Variants in CADM1 observed in about 807,000 individuals in gnomAD.
The protein encoded by CADM1 is TSLC-1.
Under a neutral mutation model 53.1 loss-of-function variants are expected in CADM1, and 15 were observed. That is an observed-to-expected ratio of 0.28 (90% CI 0.19 to 0.44). CADM1 has a LOEUF of 0.44. Among genes scored for constraint, CADM1 ranks in the 20% least tolerant of loss-of-function variants. The pLI, the probability that CADM1 is intolerant of heterozygous loss-of-function variation, is 1.00. For missense variants in CADM1, 434 were observed against 611.3 expected (o/e 0.71, Z 3.06); for synonymous variants, 281 against 243.0 (o/e 1.16, Z -1.45).
chr11:115,457,295 G>A (rs534962842), intron 1 of CADM1, among the ~76,000 whole-genome samples: 4 of 152,242 alleles, frequency 2.6e-5, no homozygotes, highest in South Asian at 4.1e-4. Flanking sequence ...AGAGGTGCTC[G>A]ATAAGTCGAA....
intron 1 of CADM1, among the ~76,000 whole-genome samples, chr11:115,496,150 CATA>C (rs1949606299): frequency 1.3e-5 from 2 of 152,202 alleles, no homozygotes; most frequent in South Asian, 2.1e-4. Flanking sequence ...AAATCATGGC[CATA>C]ATATCAACAC....
intron 11 of CADM1, among the ~76,000 whole-genome samples, chr11:115,177,099 G>A (rs1275864923): frequency 6.6e-6 from 1 of 152,170 alleles, no homozygotes; most frequent in Non-Finnish European, 1.5e-5. Context: ...CTACCCATAG[G>A]TGAGAAGGTG....
At position 115,308,196 on chromosome 11, in the gene CADM1, A is replaced by G. The variant is rs1273868839; in HGVS notation, c.125-67776T>C. ...GTGTGTATATCACTCATAGGTGTGT[A>G]TATATATATATATATACACACCTAT... On this transcript the variant is annotated intron_variant, in intron 1 of 11. Transcript: ENST00000331581. Among the ~76,000 whole-genome samples the G allele has an allele frequency of 3.6e-4, 32 of 88,344 alleles. No individual in the cohort carries two copies. In the East Asian group the frequency reaches 4.1e-3, roughly 11 times the overall value. 58.0% of individuals were successfully genotyped at this position (88,344 alleles called of 152,430 possible). A position where few individuals can be genotyped will look rare whatever the true frequency, so the allele number is the denominator to read the frequency against.
At chr11:115,206,862 A>C (rs1020056221) in intron 8 of CADM1, among the ~76,000 whole-genome samples, 1 of 135,898 alleles carries the variant, frequency 7.4e-6, no homozygotes, top group African/African-American at 2.7e-5. Context: ...GCTGTAATGT[A>C]CCAAACAGTG....
chr11:115,484,238 T>C (rs1949320162), intron 1 of CADM1, among the ~76,000 whole-genome samples: 1 of 152,224 alleles, frequency 6.6e-6, no homozygotes, highest in South Asian at 2.1e-4. Context: ...GCACAGTCTT[T>C]CTGGATGTCG....
At chr11:115,466,644 A>G (rs1475899948) in intron 1 of CADM1, among the ~76,000 whole-genome samples, 6 of 152,194 alleles carry the variant, frequency 3.9e-5, no homozygotes, top group African/African-American at 1.4e-4. Flanking sequence ...GTGTGAGATC[A>G]AATTTGGACG....
chr11:115,293,464 T>C (rs1385606152), intron 1 of CADM1, among the ~76,000 whole-genome samples: 1 of 152,140 alleles, frequency 6.6e-6, no homozygotes, highest in Non-Finnish European at 1.5e-5. Flanking sequence ...AGTATAACTA[T>C]TCTGCCCTCC....
intron 1 of CADM1, among the ~76,000 whole-genome samples, chr11:115,277,268 G>A (rs1418743894): frequency 6.6e-6 from 1 of 152,164 alleles, no homozygotes; most frequent in African/African-American, 2.4e-5. Context: ...TTGTTACGGA[G>A]ACTCGATGAA....
At chr11:115,242,388 A>T (rs1369108620) in intron 1 of CADM1, among the ~76,000 whole-genome samples, 2 of 151,910 alleles carry the variant, frequency 1.3e-5, no homozygotes, top group African/African-American at 4.8e-5. Context: ...TTAGTGCATT[A>T]CTGTGACAAA....
intron 9 of CADM1, among the ~76,000 whole-genome samples, chr11:115,194,773 C>A (rs1940068725): frequency 6.6e-6 from 1 of 152,194 alleles, no homozygotes; most frequent in Admixed American, 6.5e-5. Context: ...AGACCATGGG[C>A]ATGCTGTCAC....
chr11:115,257,000 C>T (rs1422145699), intron 1 of CADM1: 5 of 415,070 alleles, frequency 1.2e-5, no homozygotes, highest in South Asian at 5.1e-5. Context: ...GTGTGAATTA[C>T]GTACTTCCTG....
intron 1 of CADM1, among the ~76,000 whole-genome samples, chr11:115,483,376 T>G: frequency 6.6e-6 from 1 of 152,204 alleles, no homozygotes; most frequent in East Asian, 1.9e-4. Context: ...CAATGTGAAT[T>G]GGCATACGGC....
chr11:115,175,266 GGAAT>G lies in CADM1; in HGVS notation c.*1204_*1207del. ...CTGCCTTTGTCAAGCCAAATCTGAA[GGAAT>G]GAAAGTTTCACACAGATTCGAGTTG... On this transcript the variant is annotated 3_prime_UTR_variant, in exon 12 of 12. Coordinates refer to ENST00000331581, the MANE Select transcript of CADM1 (RefSeq NM_001301043.2). The G allele has an allele frequency of 2.0e-6, 2 of 985,352 alleles. No individual in the cohort carries two copies. Among genetic ancestry groups the G allele is most frequent in the Non-Finnish European group, 2.4e-6 (2 of 829,882 alleles). The allele number at this position is 985,352 out of a possible 1,614,324, so 61.0% of individuals were successfully genotyped here. A position where few individuals can be genotyped will look rare whatever the true frequency, so the allele number is the denominator to read the frequency against.
At chr11:115,225,314 G>C (rs1468380239) in intron 5 of CADM1, among the ~76,000 whole-genome samples, 1 of 65,396 alleles carries the variant, frequency 1.5e-5, no homozygotes, top group Non-Finnish European at 5.4e-5. Flanking sequence ...TAATAAAAAA[G>C]GGGGGGGGAC....
intron 1 of CADM1, among the ~76,000 whole-genome samples, chr11:115,470,697 A>AT (rs777255058): frequency 6.6e-6 from 1 of 152,130 alleles, no homozygotes; most frequent in Non-Finnish European, 1.5e-5. Flanking sequence ...TTGTGGAATG[A>AT]TTTTTTTCTT....
chr11:115,214,646 A>G lies in CADM1; in HGVS notation c.956T>C (p.Val319Ala). 6.2e-7 allele frequency: 1 copy of G among 1,613,950 alleles called. No homozygotes were observed. Among genetic ancestry groups the G allele is most frequent in the Non-Finnish European group, 8.5e-7 (1 of 1,179,936 alleles). The change falls in exon 7 of 12, where the codon GTG (valine) becomes GCG (alanine). Residue 319 changes from valine (V) to alanine (A), a missense_variant. By Grantham distance (64) the Val-to-Ala change is moderately conservative. This residue lies in a region of CADM1 where 311 missense variants were observed against 435.1 expected (regional missense o/e 0.71). Coordinates refer to ENST00000331581, the MANE Select transcript of CADM1 (RefSeq NM_001301043.2). The stretch of plus-strand genomic sequence containing the variant: ...CATATAATCCGAGTGAGCTTTCCCC[A>G]CTATGTTTGAAGCTTCACAGCGGTA... ...GTYRCEASNIVGKAHSDYMLY... is the reference protein window; with the variant it reads ...GTYRCEASNIAGKAHSDYMLY...
At chr11:115,473,050 G>C (rs1949049802) in intron 1 of CADM1, among the ~76,000 whole-genome samples, 1 of 152,194 alleles carries the variant, frequency 6.6e-6, no homozygotes, top group African/African-American at 2.4e-5. Context: ...AAGTTTCATA[G>C]TCAGAAAACT....
chr11:115,239,627 G>C (rs561120096), intron 2 of CADM1, among the ~76,000 whole-genome samples: 38 of 152,128 alleles, frequency 2.5e-4, no homozygotes, highest in African/African-American at 8.9e-4. Context: ...ATGACCCTGA[G>C]GTATTGGGGA....
intron 1 of CADM1, among the ~76,000 whole-genome samples, chr11:115,295,509 TATATATATATATA>T (rs1944030868): frequency 4.3e-4 from 12 of 27,932 alleles, no homozygotes; most frequent in South Asian, 1.5e-3. Flanking sequence ...AGATATTTTA[TATATATATATATA>T]TATATATATA....
Sources: allele counts gnomAD v4.1 joint callset (sites outside exome capture counted in the v4.1 genomes callset), GRCh38; gene constraint gnomAD v4.1.1; regional missense constraint gnomAD v4.1.1; transcripts MANE v1.5; gene names NCBI Gene and HGNC (gene_info 2026-07-23, HGNC 2026-07-21).